VPS54: variants seen among roughly 807,000 people sequenced by gnomAD.
VPS54 encodes the protein VPS54 subunit of GARP complex, also known as vacuolar protein sorting-associated protein 54.
A neutral mutation model predicts 121.5 loss-of-function variants in VPS54; 45 were observed. That is an observed-to-expected ratio of 0.37 (90% CI 0.29 to 0.47). The LOEUF (loss-of-function observed/expected upper bound fraction) is 0.47. VPS54 is among the 20% of genes least tolerant of loss of function. VPS54 has a pLI of 0.99. For synonymous variants in VPS54, 371 were observed against 385.8 expected, an observed-to-expected ratio of 0.96 and a Z score of 0.45; for missense variants, 1,090 against 1,131.4, an observed-to-expected ratio of 0.96 and a Z score of 0.52.
At chr2:63,921,400 C>G (rs1184871484) in intron 12 of VPS54, 65 bp from the exon 13 acceptor site, 2 of 1,515,732 alleles carry the variant, frequency 1.3e-6, no homozygotes, top group Non-Finnish European at 8.9e-7. Flanking sequence ...CACAGGTGAC[C>G]TATCAATAAA....
chr2:63,981,857 G>C lies in VPS54; in HGVS notation c.167C>G (p.Ser56Cys). The C allele has an allele frequency of 6.2e-7, 1 of 1,613,324 alleles. No individual in the cohort carries two copies. Among genetic ancestry groups the C allele is most frequent in the East Asian group, 2.2e-5 (1 of 44,802 alleles). ...CCATCTATGTTGATCTGTAACTAGA[G>C]ATGGGGCAACATATAAACTATGTGA... ...GDSHSLYVAP[S>C]LVTDQHRWTV... Residue 56 changes from serine (S) to cysteine (C), a missense_variant, in exon 3 of 23, where the codon TCT becomes TGT. Physicochemically the swap from Ser to Cys is moderately radical, Grantham distance 112. Transcript: ENST00000272322.
intron 5 of VPS54, among the ~76,000 whole-genome samples, chr2:63,966,934 A>T (rs1430224145): frequency 6.6e-6 from 1 of 152,202 alleles, no homozygotes; most frequent in Non-Finnish European, 1.5e-5. Context: ...AACATGACCC[A>T]ATCAAAAGGG....
chr2:64,010,994 T>C (rs938506791), intron 1 of VPS54, among the ~76,000 whole-genome samples: 2 of 152,200 alleles, frequency 1.3e-5, no homozygotes, highest in African/African-American at 4.8e-5. Flanking sequence ...ATGCATGCGC[T>C]TCCTAAAGTT....
At chr2:63,926,536 G>C (rs1289077074) in intron 12 of VPS54, among the ~76,000 whole-genome samples, 1 of 152,182 alleles carries the variant, frequency 6.6e-6, no homozygotes, top group African/African-American at 2.4e-5. Flanking sequence ...GGCTGAATAG[G>C]AACAGCTCTT....
Position 63,972,245 on chromosome 2 carries a change from C to G in VPS54, c.379-1G>C. 6.3e-7 allele frequency: 1 copy of G among 1,582,094 alleles called. No individual in the cohort carries two copies. The highest frequency in any genetic ancestry group is 8.6e-7 in the Non-Finnish European group (1 of 1,158,492). On this transcript the variant is annotated splice_acceptor_variant, in intron 3 of 22. Transcript: ENST00000272322. LOFTEE classifies it high-confidence loss of function. ...TGCATCTCTCATGAATCTTCTCTCT[C>G]TAATAAAAAGACAAATAACATCATC...
intron 7 of VPS54, among the ~76,000 whole-genome samples, chr2:63,956,354 A>G (rs973007322): frequency 6.6e-6 from 1 of 152,216 alleles, no homozygotes; most frequent in Non-Finnish European, 1.5e-5. Flanking sequence ...ACTGGAATCT[A>G]TAATAAACTG....
intron 12 of VPS54, among the ~76,000 whole-genome samples, chr2:63,924,340 G>A (rs1415653917): frequency 1.3e-5 from 2 of 152,204 alleles, no homozygotes; most frequent in Non-Finnish European, 2.9e-5. Context: ...GTGAGTGGAA[G>A]TAATAAGTGT....
At chr2:63,999,884 G>T (rs1190643087) in intron 1 of VPS54, among the ~76,000 whole-genome samples, 2 of 150,792 alleles carry the variant, frequency 1.3e-5, no homozygotes, top group East Asian at 2.0e-4. Context: ...GTTTTGAGAT[G>T]GAGTCTCGCC....
At chr2:64,012,957 T>C (rs1678497491) in intron 1 of VPS54, among the ~76,000 whole-genome samples, 1 of 152,146 alleles carries the variant, frequency 6.6e-6, no homozygotes, top group Non-Finnish European at 1.5e-5. Context: ...AAGAAGGTAA[T>C]AAAAGTAGAA....
At chr2:63,928,006 G>A (rs1156421572) in intron 12 of VPS54, among the ~76,000 whole-genome samples, 2 of 152,156 alleles carry the variant, frequency 1.3e-5, no homozygotes, top group East Asian at 1.9e-4. Context: ...AGAAATATGG[G>A]ACTATGTGAA....
intron 6 of VPS54, 92 bp from the exon 7 acceptor site, chr2:63,962,535 ATATACTT>A: frequency 7.2e-7 from 1 of 1,393,118 alleles, no homozygotes; most frequent in Non-Finnish European, 9.5e-7. Context: ...AGATTTCTAC[ATATACTT>A]TAAATTCCAT....
intron 12 of VPS54, among the ~76,000 whole-genome samples, chr2:63,931,659 T>A (rs1044511318): frequency 5.9e-5 from 9 of 152,094 alleles, no homozygotes; most frequent in African/African-American, 2.2e-4. Context: ...ACAAATGGGA[T>A]CTAATTAAAC....
chr2:64,016,844 G>A lies in VPS54; in HGVS notation c.-21+2094C>T, dbSNP rs555161272. ...GGCTGGTCTCGAACTCTGGACCTCA[G>A]GTGATCTACCTGACTAGGCTTCCCA... On this transcript the variant is annotated intron_variant, in intron 1 of 22. Coordinates refer to ENST00000272322, the MANE Select transcript of VPS54 (RefSeq NM_016516.3). Among the ~76,000 whole-genome samples, 4 of 151,842 alleles carry A rather than the reference G, an allele frequency of 2.6e-5. No homozygotes were observed. In the South Asian group the frequency reaches 8.3e-4, roughly 32 times the overall value.
intron 1 of VPS54, among the ~76,000 whole-genome samples, chr2:63,996,119 A>G (rs538869375): frequency 1.3e-5 from 2 of 152,356 alleles, no homozygotes; most frequent in South Asian, 2.1e-4. Flanking sequence ...TTATATAAAA[A>G]GAAAGGGAGA....
At chr2:63,897,783 T>C (rs545000726) in intron 21 of VPS54, among the ~76,000 whole-genome samples, 193 bp from the exon 22 acceptor site, 1 of 152,332 alleles carries the variant, frequency 6.6e-6, no homozygotes, top group African/African-American at 2.4e-5. Context: ...AAAACCTTTT[T>C]ACCCTCCTTA....
At chr2:63,895,663 A>G (rs1458470770) in intron 22 of VPS54, among the ~76,000 whole-genome samples, 1 of 152,082 alleles carries the variant, frequency 6.6e-6, no homozygotes, top group East Asian at 1.9e-4. Context: ...AAAAAAAGTC[A>G]AAAGCTACAT....
chr2:63,947,611 T>C, intron 8 of VPS54, 121 bp from the exon 9 acceptor site: 1 of 885,000 alleles, frequency 1.1e-6, no homozygotes, highest in Non-Finnish European at 1.6e-6. Flanking sequence ...CACAAAGTAT[T>C]TTCTAGCAGC....
At chr2:63,941,527 T>C (rs922103414) in intron 11 of VPS54, among the ~76,000 whole-genome samples, 1 of 152,228 alleles carries the variant, frequency 6.6e-6, no homozygotes. Context: ...GTGCCCAGCC[T>C]GTATTCTTCT....
At position 63,981,671 on chromosome 2, in the gene VPS54, G is replaced by A. The variant is rs1462608891; in HGVS notation, c.353C>T (p.Thr118Ile). 2.5e-6 allele frequency: 4 copies of A among 1,604,858 alleles called. No homozygotes were observed. In the South Asian group the frequency reaches 3.4e-5, roughly 13 times the overall value. The change falls in exon 3 of 23, where the codon ACA becomes ATA. Residue 118 changes from threonine (T) to isoleucine (I), a missense_variant. By Grantham distance (89) the Thr-to-Ile change is moderately conservative. Coordinates refer to ENST00000272322, the MANE Select transcript of VPS54 (RefSeq NM_016516.3). ...CTGAGAGATTTCCTGTTGATATACT[G>A]TAAAATGTTCCTTGCTGATCTGTGG... ...YLPQISKEHF[T>I]VYQQEISQRE...
Sources: allele counts gnomAD v4.1 joint callset (sites outside exome capture counted in the v4.1 genomes callset), GRCh38; gene constraint gnomAD v4.1.1; transcripts MANE v1.5; gene names NCBI Gene and HGNC (gene_info 2026-07-23, HGNC 2026-07-21).